The following DDX10 variants were observed in gnomAD, a reference collection of about 807,000 sequenced individuals.
DDX10 encodes the protein probable ATP-dependent RNA helicase DDX10.
In DDX10, 74 loss-of-function variants were observed where a neutral mutation model predicts 104.3. The ratio of observed to expected loss-of-function variants is 0.71; its 90% CI spans 0.59 to 0.86. The LOEUF is 0.86. Among genes scored for constraint, DDX10 ranks in the 40% least tolerant of loss-of-function variants. The pLI is 0.00. For missense variants in DDX10, 952 were observed against 1,040.0 expected, an observed-to-expected ratio of 0.92 and a Z score of 1.16; for synonymous variants, 351 against 353.4, an observed-to-expected ratio of 0.99 and a Z score of 0.08.
chr11:108,910,439 A>G (rs1737456466), intron 16 of DDX10, among the ~76,000 whole-genome samples: 1 of 152,206 alleles, frequency 6.6e-6, no homozygotes, highest in South Asian at 2.1e-4. Context: ...CGTTTGTTGT[A>G]GGAGAATGCC....
intron 13 of DDX10, among the ~76,000 whole-genome samples, chr11:108,807,045 A>C (rs1862111167): frequency 6.6e-6 from 1 of 152,212 alleles, no homozygotes; most frequent in Non-Finnish European, 1.5e-5. Flanking sequence ...AGAGAAGCAG[A>C]TGTCCTAGGT....
chr11:108,679,844 A>C (rs951861519), intron 6 of DDX10, among the ~76,000 whole-genome samples: 16 of 152,232 alleles, frequency 1.1e-4, no homozygotes, highest in Admixed American at 2.6e-4. Context: ...ACCTCTTAAT[A>C]AACGAAGGGA....
intron 13 of DDX10, 118 bp from the exon 14 acceptor site, chr11:108,838,328 C>T: frequency 4.6e-6 from 5 of 1,077,090 alleles, no homozygotes; most frequent in Non-Finnish European, 6.5e-6. Context: ...CAATGCTTCT[C>T]ATTAGCCAAT....
intron 13 of DDX10, among the ~76,000 whole-genome samples, chr11:108,799,316 C>T (rs1018837934): frequency 1.3e-5 from 2 of 152,236 alleles, no homozygotes; most frequent in Non-Finnish European, 2.9e-5. Flanking sequence ...CCCCTCCCTG[C>T]ATCCCCATCA....
chr11:108,851,409 G>A (rs1862791212), intron 15 of DDX10, among the ~76,000 whole-genome samples: 1 of 151,950 alleles, frequency 6.6e-6, no homozygotes, highest in South Asian at 2.1e-4. Context: ...CTTAATTTAG[G>A]CACAGATTGT....
At chr11:108,890,191 T>C (rs1471815637) in intron 16 of DDX10, among the ~76,000 whole-genome samples, 1 of 152,172 alleles carries the variant, frequency 6.6e-6, no homozygotes, top group East Asian at 1.9e-4. Context: ...TAGAAATGTC[T>C]TAGATAATCA....
At chr11:108,708,448 G>A (rs560199222) in intron 10 of DDX10, among the ~76,000 whole-genome samples, 64 of 149,978 alleles carry the variant, frequency 4.3e-4, no homozygotes, top group African/African-American at 1.3e-3. Context: ...TGGATTCAAT[G>A]TGCTAATATT....
intron 16 of DDX10, among the ~76,000 whole-genome samples, chr11:108,886,959 A>G (rs574980624): frequency 6.6e-6 from 1 of 152,192 alleles, no homozygotes; most frequent in Non-Finnish European, 1.5e-5. Context: ...GTAATGAAAC[A>G]TTACTGTATT....
chr11:108,818,300 A>G (rs371041362), intron 13 of DDX10, among the ~76,000 whole-genome samples: 1 of 152,214 alleles, frequency 6.6e-6, no homozygotes, highest in South Asian at 2.1e-4. Context: ...AATTAACTGT[A>G]TAGTGTGCTT....
chr11:108,673,511 C>A lies in DDX10; in HGVS notation c.231C>A (p.Ser77=). 6.3e-7 allele frequency: 1 copy of A among 1,594,628 alleles called. No individual in the cohort carries two copies. Among genetic ancestry groups the A allele is most frequent in the South Asian group, 1.1e-5 (1 of 90,034 alleles). Residue 77 remains serine, a synonymous_variant, in exon 2 of 18, where the codon TCC becomes TCA. Transcript: ENST00000322536. The part of the protein sequence containing the change: ...EITRFSDFPL[S]KKTLKGLQEA... Reference sequence around the variant, plus strand: ...CAAGATTTTCAGATTTTCCCTTGTCCAAAAAAACATTGAAAGGTAAGTATA... The same window carrying A: ...CAAGATTTTCAGATTTTCCCTTGTCAAAAAAAACATTGAAAGGTAAGTATA...
At chr11:108,860,548 CTT>C (rs1862927128) in intron 16 of DDX10, 1 of 150,846 alleles carries the variant, frequency 6.6e-6, no homozygotes, top group Non-Finnish European at 1.5e-5. Flanking sequence ...TTTTTTTTTT[CTT>C]TTTTCTTTTT....
intron 13 of DDX10, among the ~76,000 whole-genome samples, chr11:108,833,914 C>T (rs561707264): frequency 6.6e-6 from 1 of 152,124 alleles, no homozygotes; most frequent in African/African-American, 2.4e-5. Context: ...CAACATTCCA[C>T]CATTCATATT....
chr11:108,870,156 TA>T (rs1361420826), intron 16 of DDX10, among the ~76,000 whole-genome samples: 1 of 152,150 alleles, frequency 6.6e-6, no homozygotes, highest in Non-Finnish European at 1.5e-5. Context: ...AAAACTTTAT[TA>T]AAAATAGATC....
At chr11:108,813,108 G>C (rs1013261314) in intron 13 of DDX10, among the ~76,000 whole-genome samples, 2 of 151,666 alleles carry the variant, frequency 1.3e-5, no homozygotes, top group Admixed American at 6.6e-5. Context: ...CTTTCTTTCT[G>C]ATGTTGAAAA....
chr11:108,709,866 A>AT (rs2094281772), intron 10 of DDX10, among the ~76,000 whole-genome samples: 1 of 151,974 alleles, frequency 6.6e-6, no homozygotes, highest in Non-Finnish European at 1.5e-5. Flanking sequence ...TAGATGATTG[A>AT]TTTTTAGGTA....
chr11:108,774,200 G>A (rs541679336), intron 13 of DDX10, among the ~76,000 whole-genome samples: 1 of 152,338 alleles, frequency 6.6e-6, no homozygotes, highest in South Asian at 2.1e-4. Flanking sequence ...AAGGAAATAC[G>A]TTTTGCCTTG....
At chr11:108,911,423 C>T (rs1296782578) in intron 16 of DDX10, among the ~76,000 whole-genome samples, 1 of 152,012 alleles carries the variant, frequency 6.6e-6, no homozygotes, top group Non-Finnish European at 1.5e-5. Flanking sequence ...ATAGATGGTA[C>T]CTTCTTGCTG....
intron 16 of DDX10, among the ~76,000 whole-genome samples, chr11:108,892,757 G>A (rs1311773386): frequency 6.6e-6 from 1 of 152,122 alleles, no homozygotes; most frequent in African/African-American, 2.4e-5. Flanking sequence ...ATGAGATGGG[G>A]ATTGACGAAT....
At chr11:108,813,042 A>C (rs1862206260) in intron 13 of DDX10, among the ~76,000 whole-genome samples, 1 of 151,344 alleles carries the variant, frequency 6.6e-6, no homozygotes, top group Non-Finnish European at 1.5e-5. Context: ...TTGTTCCTAA[A>C]TTGGTACAGA....
Sources: gnomAD v4.1 joint callset for allele counts (sites outside exome capture counted in the v4.1 genomes callset) on GRCh38, gnomAD v4.1.1 for gene constraint, MANE v1.5 for transcripts, NCBI Gene and HGNC (gene_info 2026-07-23, HGNC 2026-07-21) for gene names.